The following GPR20 variants were observed in gnomAD, a reference collection of about 807,000 sequenced individuals.
GPR20 encodes CTD-3064M3.3.
For synonymous variants in GPR20, 241 were observed against 241.9 expected, an observed-to-expected ratio of 1.00 and a Z score of 0.04; for missense variants, 494 against 527.4, an observed-to-expected ratio of 0.94 and a Z score of 0.62.
chr8:141,357,442 C>T lies in GPR20; in HGVS notation c.482G>A (p.Cys161Tyr). 7.5e-6 allele frequency: 12 copies of T among 1,597,918 alleles called. No homozygotes were observed. The highest frequency in any genetic ancestry group is 1.0e-5 in the Non-Finnish European group (12 of 1,174,138). Residue 161 changes from cysteine (C) to tyrosine (Y), a missense_variant, in exon 2 of 2, where the codon TGC (cysteine) becomes TAC (tyrosine). Coordinates refer to ENST00000377741, the MANE Select transcript of GPR20 (RefSeq NM_005293.3). ...AIVRPEGSRR[C>Y]RQPACARAVC... ...GGCCCTGGCACAGGCAGGCTGGCGGCAGCGGCGGGAGCCTTCGGGCCGCAC... is the reference window on the plus strand; with the variant it reads ...GGCCCTGGCACAGGCAGGCTGGCGGTAGCGGCGGGAGCCTTCGGGCCGCAC...
At position 141,357,780 on chromosome 8, in the gene GPR20, G is replaced by C; in HGVS notation, c.144C>G (p.Thr48=). 3 of 1,613,478 alleles carry C rather than the reference G, an allele frequency of 1.9e-6. No homozygotes were observed. Among genetic ancestry groups the C allele is most frequent in the Non-Finnish European group, 2.5e-6 (3 of 1,179,966 alleles). ...FARLDEELHG[T]FPGLWLALMA... Reference sequence around the variant, plus strand: ...TCAGCGCCAGCCACAGGCCTGGGAAGGTGCCATGCAGCTCCTCGTCCAGCC... The same window carrying C: ...TCAGCGCCAGCCACAGGCCTGGGAACGTGCCATGCAGCTCCTCGTCCAGCC... Residue 48 remains threonine (T), a synonymous_variant, in exon 2 of 2, where the codon ACC becomes ACG. Coordinates refer to ENST00000377741, the MANE Select transcript of GPR20 (RefSeq NM_005293.3).
intron 1 of GPR20, among the ~76,000 whole-genome samples, chr8:141,359,795 A>G (rs1831707212): frequency 6.6e-6 from 1 of 152,138 alleles, no homozygotes; most frequent in African/African-American, 2.4e-5. Flanking sequence ...CCCCCGAAAG[A>G]GATGCGTCCC....
In GPR20 at chr8:141,357,076, A is replaced by G; in HGVS notation, c.848T>C (p.Val283Ala). 6.2e-7 allele frequency: 1 copy of G among 1,612,494 alleles called. No homozygotes were observed. Among genetic ancestry groups the G allele is most frequent in the Non-Finnish European group, 8.5e-7 (1 of 1,179,650 alleles). Residue 283 changes from valine to alanine, a missense_variant, in exon 2 of 2, where the codon GTG becomes GCG. Val to Ala is a moderately conservative substitution (Grantham distance 64). Coordinates refer to ENST00000377741, the MANE Select transcript of GPR20 (RefSeq NM_005293.3). ...HTSLVVYHVAVTLSSLNSCMD... is the reference protein window; with the variant it reads ...HTSLVVYHVAATLSSLNSCMD... ...GCAGCTGTTGAGGCTGCTGAGGGTC[A>G]CGGCCACGTGGTAGACCACGAGGCT...
At chr8:141,358,824 G>A (rs532964557) in intron 1 of GPR20, among the ~76,000 whole-genome samples, 2 of 152,312 alleles carry the variant, frequency 1.3e-5, no homozygotes, top group South Asian at 4.1e-4. Flanking sequence ...AGGCCCCTGT[G>A]GGGTGGCTGG....
At chr8:141,365,200 G>T (rs978289352) in intron 1 of GPR20, among the ~76,000 whole-genome samples, 1 of 152,200 alleles carries the variant, frequency 6.6e-6, no homozygotes, top group African/African-American at 2.4e-5. Context: ...TGCCCCAGGG[G>T]GAGAGCTATG....
intron 1 of GPR20, among the ~76,000 whole-genome samples, chr8:141,362,702 C>A (rs1301583225): frequency 4.6e-5 from 7 of 152,326 alleles, no homozygotes; most frequent in African/African-American, 1.4e-4. Context: ...TCCCGGAAGC[C>A]CGTCCTAATC....
chr8:141,361,896 G>A (rs1225288687), intron 1 of GPR20, among the ~76,000 whole-genome samples: 1 of 152,222 alleles, frequency 6.6e-6, no homozygotes, highest in Non-Finnish European at 1.5e-5. Context: ...ACACCTCCCA[G>A]AGCCCCGGCC....
intron 1 of GPR20, among the ~76,000 whole-genome samples, chr8:141,362,318 T>C (rs1831746336): frequency 6.6e-6 from 1 of 152,048 alleles, no homozygotes; most frequent in Non-Finnish European, 1.5e-5. Context: ...CTGCGCTTCC[T>C]CAATCCCAGG....
Position 141,357,495 on chromosome 8 carries a change from G to C in GPR20, c.429C>G (p.Cys143Trp). The C allele has an allele frequency of 6.2e-7, 1 of 1,613,246 alleles. No individual in the cohort carries two copies. Among genetic ancestry groups the C allele is most frequent in the Non-Finnish European group, 8.5e-7 (1 of 1,179,920 alleles). Reference sequence around the variant, plus strand: ...TGGCCAGGTAGCGGTCCACGCAGATGCAGGTGAGGAAGAGGATGGAGCAGT... The same window carrying C: ...TGGCCAGGTAGCGGTCCACGCAGATCCAGGTGAGGAAGAGGATGGAGCAGT... Reference protein sequence around the residue: ...NMHCSILFLTCICVDRYLAIV... With the variant: ...NMHCSILFLTWICVDRYLAIV... The change falls in exon 2 of 2, where the codon TGC (cysteine) becomes TGG (tryptophan). Residue 143 changes from cysteine (C) to tryptophan (W), a missense_variant. Physicochemically the swap from Cys to Trp is radical, Grantham distance 215. Coordinates refer to ENST00000377741, the MANE Select transcript of GPR20 (RefSeq NM_005293.3).
At chr8:141,359,665 T>G (rs7386150) in intron 1 of GPR20, among the ~76,000 whole-genome samples, 152,289 of 152,330 alleles carry the variant, frequency 1, 76,124 homozygotes, top group Middle Eastern at 1. Flanking sequence ...AGCCCAGGTG[T>G]GCCACCAGAG....
Position 141,357,177 on chromosome 8 carries a change from G to T in GPR20, c.747C>A (p.Ile249=), listed in dbSNP as rs1227495469. 4 of 1,602,418 alleles carry T rather than the reference G, an allele frequency of 2.5e-6. No homozygotes were observed. Among genetic ancestry groups the T allele is most frequent in the Non-Finnish European group, 2.5e-6 (3 of 1,176,772 alleles). ...AMQLLLTVLI[I]FLVCFTPFHA... is the part of the protein sequence containing the mutation. ...GGAAGGGCGTGAAGCAGACGAGAAA[G>T]ATGATGAGCACCGTGAGCAGGAGCT... is the stretch of plus-strand genomic sequence containing the variant. Residue 249 remains isoleucine, a synonymous_variant, in exon 2 of 2, where the codon ATC becomes ATA. Transcript: ENST00000377741.
rs771739805 is a variant in GPR20 at position 141,357,284 on chromosome 8, C to T, written c.640G>A (p.Val214Met). 2.0e-5 allele frequency: 31 copies of T among 1,542,330 alleles called. No individual in the cohort carries two copies. Among genetic ancestry groups the T allele is most frequent in the African/African-American group, 4.1e-5 (3 of 73,200 alleles). Residue 214 changes from valine (V) to methionine (M), a missense_variant, in exon 2 of 2, where the codon GTG (valine) becomes ATG (methionine). By Grantham distance (21) the Val-to-Met change is conservative (BLOSUM62 1). Coordinates refer to ENST00000377741, the MANE Select transcript of GPR20 (RefSeq NM_005293.3). Reference sequence around the variant, plus strand: ...GCACACATGATGCGGCCGGTAAACACGCTGATGACCAGCAGGGGCAGCAGG... The same window carrying T: ...GCACACATGATGCGGCCGGTAAACATGCTGATGACCAGCAGGGGCAGCAGG... ...EFLLPLLVIS[V>M]FTGRIMCALS...
chr8:141,366,523 G>C (rs1831816025), intron 1 of GPR20, among the ~76,000 whole-genome samples: 1 of 152,238 alleles, frequency 6.6e-6, no homozygotes, highest in Non-Finnish European at 1.5e-5. Context: ...CGCGGGGCTG[G>C]AGCCAGCTTC....
At chr8:141,364,697 C>A (rs1370411710) in intron 1 of GPR20, among the ~76,000 whole-genome samples, 1 of 152,230 alleles carries the variant, frequency 6.6e-6, no homozygotes, top group Non-Finnish European at 1.5e-5. Flanking sequence ...AACGGAAACA[C>A]CAGTGTCTCT....
chr8:141,364,854 C>A (rs537764241), intron 1 of GPR20, among the ~76,000 whole-genome samples: 1 of 152,284 alleles, frequency 6.6e-6, no homozygotes, highest in South Asian at 2.1e-4. Flanking sequence ...CCCACCAGCC[C>A]CTCCTTTCCT....
intron 1 of GPR20, among the ~76,000 whole-genome samples, chr8:141,363,832 G>A (rs1019530869): frequency 3.9e-5 from 6 of 152,356 alleles, no homozygotes; most frequent in South Asian, 2.1e-4. Context: ...GAGTGGCCCC[G>A]GCCCCAGGGC....
In GPR20 at chr8:141,357,684, G is replaced by A; in HGVS notation, c.240C>T (p.Cys80=). The change falls in exon 2 of 2, where the codon TGC becomes TGT. Residue 80 remains cysteine (C), a synonymous_variant. Coordinates refer to ENST00000377741, the MANE Select transcript of GPR20 (RefSeq NM_005293.3). ...CTGAGGGTGTCTTGGCCCGGGTGCGGCAGCAGAAGACGTACAGCGCCAGCC... is the reference window on the plus strand; with the variant it reads ...CTGAGGGTGTCTTGGCCCGGGTGCGACAGCAGAAGACGTACAGCGCCAGCC... ...LNGLALYVFC[C]RTRAKTPSVI... is the part of the protein sequence containing the mutation. 1 of 1,613,670 alleles carries A rather than the reference G, an allele frequency of 6.2e-7. No homozygotes were observed.
chr8:141,363,927 G>A (rs1433285297), intron 1 of GPR20, among the ~76,000 whole-genome samples: 1 of 152,248 alleles, frequency 6.6e-6, no homozygotes, highest in African/African-American at 2.4e-5. Context: ...GTGGAGGACG[G>A]GCCCAGCCTT....
chr8:141,365,806 C>T (rs928061356), intron 1 of GPR20, among the ~76,000 whole-genome samples: 1 of 152,220 alleles, frequency 6.6e-6, no homozygotes, highest in Non-Finnish European at 1.5e-5. Context: ...TGGGCCCTGA[C>T]GCCCCTCCTC....
Sources: allele counts gnomAD v4.1 joint callset (sites outside exome capture counted in the v4.1 genomes callset), GRCh38; gene constraint gnomAD v4.1.1; transcripts MANE v1.5; gene names NCBI Gene and HGNC (gene_info 2026-07-23, HGNC 2026-07-21).